The following CPLX4 variants were observed in gnomAD, a reference collection of about 807,000 sequenced individuals.
CPLX4 encodes complexin-4.
A neutral mutation model predicts 16.1 loss-of-function variants in CPLX4; 17 were observed. The observed-to-expected ratio is 1.06, with a 90% confidence interval of 0.72 to 1.59. CPLX4 has a LOEUF of 1.59. Ranked by LOEUF, CPLX4 falls within the 40% of genes most tolerant of loss-of-function variation. The pLI is 0.00. For missense variants in CPLX4, 193 were observed against 192.9 expected (o/e 1.00, Z 0.00); for synonymous variants, 55 against 57.8 (o/e 0.95, Z 0.22).
intron 1 of CPLX4, among the ~76,000 whole-genome samples, chr18:59,315,209 C>G (rs550147080): frequency 6.6e-6 from 1 of 152,260 alleles, no homozygotes; most frequent in East Asian, 1.9e-4. Context: ...TGATTTTAGC[C>G]ATACTGGTGT....
At chr18:59,316,160 A>G (rs1463187023) in intron 1 of CPLX4, among the ~76,000 whole-genome samples, 2 of 152,222 alleles carry the variant, frequency 1.3e-5, no homozygotes, top group Non-Finnish European at 2.9e-5. Flanking sequence ...ATAATTGAGA[A>G]AATGGCGGGA....
intron 2 of CPLX4, among the ~76,000 whole-genome samples, chr18:59,309,822 C>CAAAAA (rs369580193): frequency 5.7e-5 from 5 of 86,976 alleles, no homozygotes; most frequent in African/African-American, 8.7e-5. Context: ...GACTCTGTGT[C>CAAAAA]AAAAAAAAAA....
chr18:59,303,916 C>A (rs944863797), intron 2 of CPLX4, among the ~76,000 whole-genome samples: 1 of 152,200 alleles, frequency 6.6e-6, no homozygotes, highest in Non-Finnish European at 1.5e-5. Context: ...TTCCCACCGC[C>A]TGGCCACCAG....
At chr18:59,299,027 C>T (rs894111131) in intron 2 of CPLX4, among the ~76,000 whole-genome samples, 6 of 152,228 alleles carry the variant, frequency 3.9e-5, no homozygotes, top group Non-Finnish European at 7.3e-5. Flanking sequence ...CGCCAGCCTC[C>T]GGAGATAAGT....
At chr18:59,299,728 T>A (rs2070527193) in intron 2 of CPLX4, among the ~76,000 whole-genome samples, 1 of 152,218 alleles carries the variant, frequency 6.6e-6, no homozygotes, top group South Asian at 2.1e-4. Flanking sequence ...AGGATCTTGA[T>A]TGCCCTAACT....
chr18:59,302,814 TTA>T (rs1235897197), intron 2 of CPLX4, among the ~76,000 whole-genome samples: 37 of 152,362 alleles, frequency 2.4e-4, no homozygotes, highest in Admixed American at 9.1e-4. Flanking sequence ...ATAAATTATC[TTA>T]GATGGTTATG....
chr18:59,315,835 AC>A (rs1230767039), intron 1 of CPLX4, among the ~76,000 whole-genome samples: 1 of 151,954 alleles, frequency 6.6e-6, no homozygotes, highest in African/African-American at 2.4e-5. Flanking sequence ...ATAACTATAA[AC>A]CCCATTGATC....
intron 2 of CPLX4, among the ~76,000 whole-genome samples, chr18:59,302,429 T>C (rs1463908617): frequency 1.3e-5 from 2 of 152,234 alleles, no homozygotes; most frequent in African/African-American, 2.4e-5. Flanking sequence ...CGTGAATGAA[T>C]GAATGAGTGA....
At chr18:59,312,850 A>T in intron 1 of CPLX4, 78 bp from the exon 2 acceptor site, 1 of 749,954 alleles carries the variant, frequency 1.3e-6, no homozygotes, top group South Asian at 1.6e-5. Flanking sequence ...GGAGCCAGAC[A>T]CAGGGTTACA....
In CPLX4 at chr18:59,318,286, A is replaced by G. The variant is rs2070664026; in HGVS notation, c.167+10T>C. 6.3e-7 allele frequency: 1 copy of G among 1,597,218 alleles called. No homozygotes were observed. The highest frequency in any genetic ancestry group is 1.7e-4 in the Middle Eastern group (1 of 5,984). On this transcript the variant is annotated intron_variant, in intron 1 of 2. Transcript: ENST00000299721. ...TGCTTTTTAAGGGAAATGAAATAGC[A>G]TGTACTCACTTCTCCTCAATCATTT... is the stretch of plus-strand genomic sequence containing the variant.
chr18:59,304,285 T>A (rs1307380775), intron 2 of CPLX4, among the ~76,000 whole-genome samples: 1 of 152,226 alleles, frequency 6.6e-6, no homozygotes, highest in Non-Finnish European at 1.5e-5. Flanking sequence ...ATTGTGGAAC[T>A]GTTTTCTCTT....
intron 2 of CPLX4, among the ~76,000 whole-genome samples, chr18:59,309,946 G>T (rs1202399763): frequency 6.6e-6 from 1 of 152,048 alleles, no homozygotes; most frequent in Non-Finnish European, 1.5e-5. Context: ...TGGGGCCTGA[G>T]TTCCAGTCCT....
chr18:59,310,666 G>A (rs1358215351), intron 2 of CPLX4, among the ~76,000 whole-genome samples: 2 of 152,130 alleles, frequency 1.3e-5, no homozygotes, highest in African/African-American at 4.8e-5. Flanking sequence ...ATTGTCAGGC[G>A]TTGTACTAGG....
intron 1 of CPLX4, among the ~76,000 whole-genome samples, chr18:59,313,407 T>C (rs1338294668): frequency 6.6e-6 from 1 of 152,222 alleles, no homozygotes; most frequent in Non-Finnish European, 1.5e-5. Flanking sequence ...AATGTCAGAC[T>C]GGGGTCCTGC....
At chr18:59,306,129 A>C (rs2070575541) in intron 2 of CPLX4, among the ~76,000 whole-genome samples, 1 of 152,194 alleles carries the variant, frequency 6.6e-6, no homozygotes, top group African/African-American at 2.4e-5. Flanking sequence ...AGCCATGTTT[A>C]CTCAGAAAGT....
intron 2 of CPLX4, among the ~76,000 whole-genome samples, chr18:59,297,610 C>T (rs2070510652): frequency 6.6e-6 from 1 of 152,198 alleles, no homozygotes; most frequent in African/African-American, 2.4e-5. Flanking sequence ...GTCTTTCTCT[C>T]TGTGATGCTG....
At chr18:59,300,625 T>C (rs1172538498) in intron 2 of CPLX4, among the ~76,000 whole-genome samples, 1 of 152,230 alleles carries the variant, frequency 6.6e-6, no homozygotes, top group Non-Finnish European at 1.5e-5. Context: ...TATGGAGAAT[T>C]GCATTATTTG....
chr18:59,297,278 A>ATT (rs142082605), intron 2 of CPLX4, among the ~76,000 whole-genome samples: 4 of 144,164 alleles, frequency 2.8e-5, no homozygotes, highest in Non-Finnish European at 6.1e-5. Flanking sequence ...GCCATCTGGA[A>ATT]TTTTTTTTTT....
intron 2 of CPLX4, among the ~76,000 whole-genome samples, chr18:59,312,145 C>A (rs2070620861): frequency 6.6e-6 from 1 of 152,108 alleles, no homozygotes; most frequent in Admixed American, 6.5e-5. Context: ...AGGTACTGTA[C>A]CTGGTACCTA....
Sources: allele counts gnomAD v4.1 joint callset (sites outside exome capture counted in the v4.1 genomes callset), GRCh38; gene constraint gnomAD v4.1.1; transcripts MANE v1.5; gene names NCBI Gene and HGNC (gene_info 2026-07-23, HGNC 2026-07-21).